Variants in NCAM2 observed in about 807,000 individuals in gnomAD.
NCAM2 encodes the protein neural cell adhesion molecule 2.
A neutral mutation model predicts 98.1 loss-of-function variants in NCAM2; 30 were observed. The observed-to-expected ratio is 0.31, with a 90% confidence interval of 0.23 to 0.41. The LOEUF is 0.41. Among genes scored for constraint, NCAM2 ranks in the 10% least tolerant of loss-of-function variants. NCAM2 has a pLI of 1.00. For synonymous variants in NCAM2, 368 were observed against 342.4 expected (o/e 1.07, Z -0.83); for missense variants, 867 against 1,005.8 (o/e 0.86, Z 1.87).
chr21:21,418,354 A>T, intron 10 of NCAM2, 119 bp from the exon 11 acceptor site: 1 of 686,978 alleles, frequency 1.5e-6, no homozygotes, highest in Non-Finnish European at 2.6e-6. Context: ...TTAAAAATAT[A>T]TGGTAAGGAG....
Position 21,116,593 on chromosome 21 carries a change from G to A in NCAM2, c.55+117975G>A, listed in dbSNP as rs542948641. On this transcript the variant is annotated intron_variant, in intron 1 of 17. Coordinates refer to ENST00000400546, the MANE Select transcript of NCAM2 (RefSeq NM_004540.5). Reference sequence around the variant, plus strand: ...AATGTGTCCGGGCGCAGCGGCTCACGCCTGTAATCCCAGCACTTTGGGAGG... The same window carrying A: ...AATGTGTCCGGGCGCAGCGGCTCACACCTGTAATCCCAGCACTTTGGGAGG... Among the ~76,000 whole-genome samples the A allele has an allele frequency of 3.5e-4, 53 of 152,250 alleles. No individual in the cohort carries two copies. In the South Asian group the frequency reaches 3.5e-3, roughly 10 times the overall value.
chr21:21,127,909 AACAC>A (rs2066861006), intron 1 of NCAM2, among the ~76,000 whole-genome samples: 1 of 152,200 alleles, frequency 6.6e-6, no homozygotes. Context: ...TTCCTTAAAT[AACAC>A]ACAATTATAT....
intron 5 of NCAM2, among the ~76,000 whole-genome samples, chr21:21,323,119 A>G (rs979783399): frequency 2.6e-5 from 4 of 152,190 alleles, no homozygotes; most frequent in African/African-American, 9.6e-5. Flanking sequence ...TGTATAAATA[A>G]TGATAGGTAA....
chr21:21,344,379 C>G (rs1281341355), intron 8 of NCAM2, among the ~76,000 whole-genome samples: 1 of 152,120 alleles, frequency 6.6e-6, no homozygotes, highest in African/African-American at 2.4e-5. Context: ...CATGCCATTT[C>G]TGGACCTGCT....
Position 21,495,890 on chromosome 21 carries a change from T to G in NCAM2, c.2078-12961T>G, listed in dbSNP as rs147522920. Among the ~76,000 whole-genome samples, 3 of 151,804 alleles carry G rather than the reference T, an allele frequency of 2.0e-5. No individual in the cohort carries two copies. In the East Asian group the frequency reaches 5.8e-4, roughly 29 times the overall value. On this transcript the variant is annotated intron_variant, in intron 15 of 17. Transcript: ENST00000400546. ...CTCCCTCCTATTTGCTAACCTCACA[T>G]TATTTTTTTTGCCAAGAGGTAAACA...
At chr21:21,475,352 C>T (rs1222478444) in intron 14 of NCAM2, among the ~76,000 whole-genome samples, 1 of 152,078 alleles carries the variant, frequency 6.6e-6, no homozygotes, top group South Asian at 2.1e-4. Context: ...GGCCTCATGT[C>T]TTTCTTCTGG....
At chr21:21,518,635 A>C (rs1395881150) in intron 16 of NCAM2, among the ~76,000 whole-genome samples, 1 of 151,276 alleles carries the variant, frequency 6.6e-6, no homozygotes, top group Non-Finnish European at 1.5e-5. Context: ...ACATCATTAC[A>C]TATACTATAT....
At chr21:21,167,690 A>T (rs1460533048) in intron 1 of NCAM2, among the ~76,000 whole-genome samples, 2 of 152,128 alleles carry the variant, frequency 1.3e-5, no homozygotes, top group African/African-American at 4.8e-5. Context: ...ATATTGTAAA[A>T]ATTATCTGCT....
chr21:21,140,259 AAC>A (rs2067139130), intron 1 of NCAM2, among the ~76,000 whole-genome samples: 1 of 152,188 alleles, frequency 6.6e-6, no homozygotes, highest in African/African-American at 2.4e-5. Context: ...TGGAAATTTA[AAC>A]ACAGTTTGGT....
chr21:21,184,150 A>G (rs1416166938), intron 1 of NCAM2, among the ~76,000 whole-genome samples: 1 of 152,054 alleles, frequency 6.6e-6, no homozygotes, highest in Non-Finnish European at 1.5e-5. Context: ...TTTGAATTAT[A>G]TACGATGGTT....
intron 10 of NCAM2, 142 bp from the exon 11 acceptor site, chr21:21,418,331 T>C: frequency 1.6e-6 from 1 of 627,022 alleles, no homozygotes. Context: ...TAATGCTTAC[T>C]TAATAAAGAA....
intron 1 of NCAM2, among the ~76,000 whole-genome samples, chr21:21,160,846 A>G (rs1601532545): frequency 6.6e-6 from 1 of 152,142 alleles, no homozygotes; most frequent in East Asian, 1.9e-4. Context: ...ATATGCAATG[A>G]CATTCTGCTT....
intron 6 of NCAM2, 109 bp from the exon 7 acceptor site, chr21:21,335,392 TTTCA>T (rs1290479555): frequency 5.6e-6 from 4 of 708,242 alleles, no homozygotes; most frequent in Non-Finnish European, 8.5e-6. Context: ...TAGCCCTGTC[TTTCA>T]ATGATGATAG....
At chr21:21,062,729 T>G (rs2065349048) in intron 1 of NCAM2, among the ~76,000 whole-genome samples, 3 of 152,330 alleles carry the variant, frequency 2.0e-5, no homozygotes, top group South Asian at 4.1e-4. Context: ...TGTTTTTAAT[T>G]TTTATAGTGA....
intron 8 of NCAM2, among the ~76,000 whole-genome samples, chr21:21,359,477 AT>A (rs2075586583): frequency 6.6e-6 from 1 of 151,968 alleles, no homozygotes; most frequent in Non-Finnish European, 1.5e-5. Context: ...TCTAGATAAT[AT>A]TTTTAAATTG....
chr21:21,395,760 G>A (rs1018354638), intron 9 of NCAM2, among the ~76,000 whole-genome samples: 1 of 151,996 alleles, frequency 6.6e-6, no homozygotes, highest in African/African-American at 2.4e-5. Flanking sequence ...CGTAAAGTGG[G>A]GAAAGGACAC....
At chr21:21,521,750 G>T (rs776907473) in intron 16 of NCAM2, among the ~76,000 whole-genome samples, 5 of 151,668 alleles carry the variant, frequency 3.3e-5, no homozygotes, top group South Asian at 4.2e-4. Context: ...ACTAACAAAA[G>T]AAACAGAACA....
intron 1 of NCAM2, among the ~76,000 whole-genome samples, chr21:21,139,224 A>G (rs2067119597): frequency 6.6e-6 from 1 of 152,256 alleles, no homozygotes; most frequent in Admixed American, 6.5e-5. Context: ...AGGCAGCCAC[A>G]AATCAAGGCT....
At chr21:21,111,775 G>A (rs1401934433) in intron 1 of NCAM2, among the ~76,000 whole-genome samples, 2 of 152,088 alleles carry the variant, frequency 1.3e-5, no homozygotes, top group Non-Finnish European at 2.9e-5. Context: ...AGCGGGGGTC[G>A]TTTCAGGTTT....
Sources: gnomAD v4.1 joint callset for allele counts (sites outside exome capture counted in the v4.1 genomes callset) on GRCh38, gnomAD v4.1.1 for gene constraint, MANE v1.5 for transcripts, NCBI Gene and HGNC (gene_info 2026-07-23, HGNC 2026-07-21) for gene names.